The following CYFIP2 variants were observed in gnomAD, a reference collection of about 807,000 sequenced individuals.
CYFIP2 encodes the protein cytoplasmic FMR1 interacting protein 2.
A neutral mutation model predicts 158.7 loss-of-function variants in CYFIP2; 29 were observed. The observed-to-expected ratio is 0.18, with a 90% CI of 0.14 to 0.25. The LOEUF (loss-of-function observed/expected upper bound fraction) is 0.25. Ranked by LOEUF, CYFIP2 falls within the 10% of genes least tolerant of loss-of-function variation. The probability of loss-of-function intolerance (pLI) is 1.00; values close to 1 mark genes in which losing one functional copy is unlikely to be tolerated. For synonymous variants in CYFIP2, 585 were observed against 617.6 expected (o/e 0.95, Z 0.78); for missense variants, 852 against 1,639.5 (o/e 0.52, Z 8.29).
At chr5:157,342,904 C>G (rs1249049123) in intron 23 of CYFIP2, 1 of 1,613,948 alleles carries the variant, frequency 6.2e-7, no homozygotes, top group African/African-American at 1.3e-5. Flanking sequence ...GGTCACCACC[C>G]CCCCTCTGTA....
intron 17 of CYFIP2, 111 bp from the exon 18 acceptor site, chr5:157,326,060 A>G (rs1760996395): frequency 1.2e-6 from 1 of 826,156 alleles, no homozygotes; most frequent in Non-Finnish European, 2.0e-6. Flanking sequence ...GAGGGATGAA[A>G]GATGGTCTTT....
At chr5:157,330,661 G>A in intron 19 of CYFIP2, 81 bp from the exon 20 acceptor site, 1 of 1,063,158 alleles carries the variant, frequency 9.4e-7, no homozygotes, top group Non-Finnish European at 1.4e-6. Flanking sequence ...TAGATCCTAT[G>A]ATCTGAAATA....
intron 26 of CYFIP2, among the ~76,000 whole-genome samples, chr5:157,378,565 T>C (rs1272883019): frequency 1.3e-5 from 2 of 152,162 alleles, no homozygotes; most frequent in Admixed American, 6.5e-5. Flanking sequence ...TTGGCTGCCA[T>C]GGAAAAACAA....
At chr5:157,340,936 C>A in intron 22 of CYFIP2, 134 bp from the exon 23 acceptor site, 1 of 753,658 alleles carries the variant, frequency 1.3e-6, no homozygotes, top group Non-Finnish European at 2.3e-6. Flanking sequence ...CCTTTATAGT[C>A]AACCACCTAA....
intron 26 of CYFIP2, among the ~76,000 whole-genome samples, chr5:157,381,362 T>TG (rs113483725): frequency 7.0e-6 from 1 of 143,114 alleles, no homozygotes; most frequent in Non-Finnish European, 1.5e-5. Context: ...GTAGGTATGA[T>TG]AAAAAAAAAA....
intron 3 of CYFIP2, among the ~76,000 whole-genome samples, chr5:157,292,915 A>G (rs145306486): frequency 7.8e-4 from 119 of 152,268 alleles, no homozygotes; most frequent in African/African-American, 2.5e-3. Flanking sequence ...TATTATTATC[A>G]TGATTTAACA....
intron 1 of CYFIP2, among the ~76,000 whole-genome samples, chr5:157,274,887 C>G (rs960379690): frequency 2.6e-5 from 4 of 152,088 alleles, no homozygotes; most frequent in Non-Finnish European, 5.9e-5. Flanking sequence ...TTTTTAAAAT[C>G]AGGTTCTCTT....
intron 1 of CYFIP2, among the ~76,000 whole-genome samples, chr5:157,280,363 A>ATTTTTTTTTTTT (rs57893061): frequency 7.5e-6 from 1 of 133,226 alleles, no homozygotes; most frequent in Non-Finnish European, 1.6e-5. Flanking sequence ...CGCCTGGCTA[A>ATTTTTTTTTTTT]TTTTTTTTTT....
chr5:157,316,822 G>A (rs1319762937), intron 13 of CYFIP2, among the ~76,000 whole-genome samples: 4 of 152,012 alleles, frequency 2.6e-5, no homozygotes, highest in Non-Finnish European at 5.9e-5. Context: ...AACTTAAAGG[G>A]CCATACAAAT....
chr5:157,295,421 G>A (rs774358324), intron 4 of CYFIP2, among the ~76,000 whole-genome samples: 11 of 152,132 alleles, frequency 7.2e-5, no homozygotes, highest in Non-Finnish European at 1.2e-4. Context: ...TAATTAACGG[G>A]TCCCATGGCA....
intron 26 of CYFIP2, among the ~76,000 whole-genome samples, chr5:157,369,959 G>A (rs1764839456): frequency 6.8e-6 from 1 of 146,782 alleles, no homozygotes; most frequent in South Asian, 2.2e-4. Context: ...TCGGCTCACT[G>A]CAACCTCCAC....
intron 7 of CYFIP2, among the ~76,000 whole-genome samples, chr5:157,303,803 A>G (rs1220297): frequency 0.79 from 119,794 of 151,472 alleles, 47,636 homozygotes; most frequent in East Asian, 0.99. Flanking sequence ...TGTCCTGCCA[A>G]GAGGGAGACA....
intron 5 of CYFIP2, among the ~76,000 whole-genome samples, chr5:157,297,703 G>A (rs562538403): frequency 3.3e-5 from 5 of 152,286 alleles, no homozygotes; most frequent in African/African-American, 7.2e-5. Flanking sequence ...GTGCTGTCCA[G>A]TGCCATAGCC....
chr5:157,296,797 G>T, intron 5 of CYFIP2, 23 bp downstream of exon 5: 1 of 1,591,310 alleles, frequency 6.3e-7, no homozygotes, highest in South Asian at 1.1e-5. Context: ...GGGCAGGTCT[G>T]CATCTGGAGA....
At chr5:157,286,552 G>GTGTGTATA (rs762316044) in intron 2 of CYFIP2, among the ~76,000 whole-genome samples, 11 of 138,124 alleles carry the variant, frequency 8.0e-5, no homozygotes, top group African/African-American at 2.7e-4. Context: ...GCTATTTTAT[G>GTGTGTATA]TATATATATA....
At chr5:157,319,955 A>G in intron 14 of CYFIP2, 27 bp downstream of exon 14, 8 of 1,610,548 alleles carry the variant, frequency 5.0e-6, no homozygotes, top group South Asian at 3.3e-5. Flanking sequence ...CTTCAGGAGC[A>G]TATCAGACAT....
At chr5:157,356,929 A>C (rs549921829) in intron 23 of CYFIP2, among the ~76,000 whole-genome samples, 2 of 152,284 alleles carry the variant, frequency 1.3e-5, no homozygotes, top group East Asian at 3.9e-4. Context: ...TTTGCTGAAC[A>C]TCAGCTTCAG....
chr5:157,305,802 AC>A (rs1287915091), intron 8 of CYFIP2, among the ~76,000 whole-genome samples: 1 of 152,260 alleles, frequency 6.6e-6, no homozygotes, highest in East Asian at 1.9e-4. Context: ...TGCATGAGGC[AC>A]TGCGCCTGGC....
chr5:157,346,088 C>T (rs948165888), intron 23 of CYFIP2, among the ~76,000 whole-genome samples: 4 of 152,050 alleles, frequency 2.6e-5, no homozygotes, highest in Admixed American at 1.3e-4. Context: ...ATTCTTGACT[C>T]ATGTGCCATT....
Sources: allele counts gnomAD v4.1 joint callset (sites outside exome capture counted in the v4.1 genomes callset), GRCh38; gene constraint gnomAD v4.1.1; transcripts MANE v1.5; gene names NCBI Gene and HGNC (gene_info 2026-07-23, HGNC 2026-07-21).